TMIGD2: variants seen among roughly 807,000 people sequenced by gnomAD.
TMIGD2 encodes transmembrane and immunoglobulin domain-containing protein 2.
Under a neutral mutation model 22.6 loss-of-function variants are expected in TMIGD2, and 18 were observed. The ratio of observed to expected loss-of-function variants is 0.80; its 90% CI spans 0.55 to 1.18. The LOEUF (loss-of-function observed/expected upper bound fraction) is 1.18, where lower values mean the gene tolerates loss of function less well. Among genes scored for constraint, TMIGD2 ranks in the 50% most tolerant of loss-of-function variants. The probability of loss-of-function intolerance (pLI) is 0.00; values close to 1 mark genes in which losing one functional copy is unlikely to be tolerated. For synonymous variants in TMIGD2, 184 were observed against 154.1 expected (o/e 1.19, Z -1.44); for missense variants, 361 against 378.2 (o/e 0.95, Z 0.38).
chr19:4,294,899 T>A, intron 2 of TMIGD2, 83 bp from the exon 3 acceptor site: 2 of 1,318,956 alleles, frequency 1.5e-6, no homozygotes, highest in Non-Finnish European at 1.0e-6. Context: ...GACCTAAGTG[T>A]TCCTCCTCCT....
intron 2 of TMIGD2, among the ~76,000 whole-genome samples, chr19:4,297,159 C>A (rs932521688): frequency 1.4e-5 from 2 of 147,600 alleles, no homozygotes; most frequent in Non-Finnish European, 3.0e-5. Context: ...TCACTGCAAC[C>A]TCCCCCTCCC....
chr19:4,296,147 G>A (rs1375496982), intron 2 of TMIGD2, among the ~76,000 whole-genome samples: 2 of 152,150 alleles, frequency 1.3e-5, no homozygotes, highest in African/African-American at 2.4e-5. Context: ...TCGACCTCCT[G>A]GCCTCAAACA....
chr19:4,297,017 G>A (rs1237881193), intron 2 of TMIGD2, among the ~76,000 whole-genome samples: 1 of 151,906 alleles, frequency 6.6e-6, no homozygotes, highest in Admixed American at 6.6e-5. Flanking sequence ...GAGGCAGCTG[G>A]CGTTGCTGAC....
At chr19:4,300,434 G>A (rs1399558101) in intron 1 of TMIGD2, among the ~76,000 whole-genome samples, 7 of 151,392 alleles carry the variant, frequency 4.6e-5, no homozygotes, top group South Asian at 4.2e-4. Context: ...GCATGTACCC[G>A]TAGTCCCAGC....
At chr19:4,295,169 G>A (rs1971444693) in intron 2 of TMIGD2, among the ~76,000 whole-genome samples, 1 of 149,470 alleles carries the variant, frequency 6.7e-6, no homozygotes, top group Non-Finnish European at 1.5e-5. Flanking sequence ...GCTGAGGCAG[G>A]AGAATCGCTT....
intron 1 of TMIGD2, among the ~76,000 whole-genome samples, chr19:4,301,866 A>G (rs1971540794): frequency 6.6e-6 from 1 of 152,162 alleles, no homozygotes; most frequent in African/African-American, 2.4e-5. Context: ...AGCTGTGAGA[A>G]GTCTGACGTG....
intron 2 of TMIGD2, among the ~76,000 whole-genome samples, chr19:4,297,421 G>A (rs1049610904): frequency 6.6e-6 from 1 of 152,168 alleles, no homozygotes; most frequent in Non-Finnish European, 1.5e-5. Context: ...CCAGGCTGGA[G>A]TGCAGTGGTG....
At chr19:4,292,994 C>A (rs1295018400) in intron 4 of TMIGD2, 109 bp from the exon 5 acceptor site, 54 of 1,513,638 alleles carry the variant, frequency 3.6e-5, no homozygotes, top group Non-Finnish European at 4.5e-5. Context: ...GACGGAGTCT[C>A]ACTCTGTCGC....
chr19:4,292,668 C>T, exon 5 of TMIGD2: 16 of 1,606,830 alleles, frequency 1.0e-5, no homozygotes, highest in Non-Finnish European at 1.3e-5. Flanking sequence ...TAGGAGAGAC[C>T]CTGACCATAG....
At chr19:4,298,223 C>T (rs1210305359) in exon 2 of TMIGD2, 1 of 1,613,190 alleles carries the variant, frequency 6.2e-7, no homozygotes, top group South Asian at 1.1e-5. Context: ...GTCCACTTAA[C>T]ACGGAGCCGT....
Position 4,298,153 on chromosome 19 carries a change from AC to A in TMIGD2, c.238del (p.Val80SerfsTer23). 1 of 1,612,950 alleles carries A rather than the reference AC, an allele frequency of 6.2e-7. No individual in the cohort carries two copies. Among genetic ancestry groups the A allele is most frequent in the Non-Finnish European group, 8.5e-7 (1 of 1,179,922 alleles). On this transcript the variant is annotated frameshift_variant, in exon 2 of 5. Coordinates refer to ENST00000301272, the Ensembl canonical transcript of TMIGD2. LOFTEE classifies it high-confidence loss of function. ...GGAGAGCCGTCCCTGGGGCCCGCAG[AC>A]CCCCAGGCTGAGGCTGCCGTTGGTG...
rs146588003 is a variant in TMIGD2, at chr19:4,298,201, G to A, written c.191C>T (p.Ala64Val). ...GGTGATGTACGGTTGACACAGGATG[G>A]CCCCATCCTTTGTCCACTTAACACG... is the stretch of plus-strand genomic sequence containing the variant. Residue 64 changes from alanine to valine, a missense_variant, in exon 2 of 5, where the codon GCC (alanine) becomes GTC (valine). By Grantham distance (64) the Ala-to-Val change is moderately conservative. Transcript: ENST00000301272. The A allele has an allele frequency of 4.7e-4, 766 of 1,613,296 alleles. 3 individuals carry two copies. In the African/African-American group the frequency reaches 9.3e-3, roughly 20 times the overall value.
chr19:4,300,418 G>A (rs34276507), intron 1 of TMIGD2, among the ~76,000 whole-genome samples: 62,724 of 150,772 alleles, frequency 0.42, 14,150 homozygotes, highest in African/African-American at 0.6. Context: ...TTAGCTGGGT[G>A]TGGTGGCATG....
At chr19:4,297,989 G>A (rs746142552) in exon 2 of TMIGD2, 4 of 1,578,406 alleles carry the variant, frequency 2.5e-6, no homozygotes, top group Non-Finnish European at 3.5e-6. Context: ...CCCGTACCTG[G>A]GTCCACAAAG....
chr19:4,294,829 A>T lies in TMIGD2; in HGVS notation c.407-13T>A. The T allele has an allele frequency of 1.3e-6, 2 of 1,544,520 alleles. No homozygotes were observed. Among genetic ancestry groups the T allele is most frequent in the Non-Finnish European group, 1.7e-6 (2 of 1,147,330 alleles). On this transcript the variant is annotated splice_polypyrimidine_tract_variant and intron_variant, in intron 2 of 4. Transcript: ENST00000301272. Reference sequence around the variant, plus strand: ...TGTGTGGGGTCATCTGCAGAGAAGAAATCTATGTCACGGGGGTGCCAGGCT... The same window carrying T: ...TGTGTGGGGTCATCTGCAGAGAAGATATCTATGTCACGGGGGTGCCAGGCT...
intron 1 of TMIGD2, among the ~76,000 whole-genome samples, chr19:4,301,565 G>A (rs965719135): frequency 6.6e-6 from 1 of 152,208 alleles, no homozygotes; most frequent in African/African-American, 2.4e-5. Context: ...AGCTACTCGG[G>A]AGCCTGAGGC....
Position 4,294,697 on chromosome 19 carries a change from G to C in TMIGD2, c.449-17C>G, listed in dbSNP as rs574302564. 3.7e-5 allele frequency: 59 copies of C among 1,580,654 alleles called. 1 individual carries two copies. In the South Asian group the frequency reaches 6.7e-4, roughly 18 times the overall value. The stretch of plus-strand genomic sequence containing the variant: ...AGAGGAATCCTGGGTAGGGGGAGAA[G>C]AGATGGTCTAATCAGGAGGGGAAGG... On this transcript the variant is annotated splice_polypyrimidine_tract_variant and intron_variant, in intron 3 of 4. Transcript: ENST00000301272.
chr19:4,301,487 C>T (rs1013478840), intron 1 of TMIGD2, among the ~76,000 whole-genome samples: 2 of 152,050 alleles, frequency 1.3e-5, no homozygotes, highest in Non-Finnish European at 2.9e-5. Flanking sequence ...GCCGAGATGG[C>T]GAAACCCCGT....
exon 5 of TMIGD2, chr19:4,292,815 T>C (rs1279314578): frequency 6.2e-6 from 10 of 1,613,568 alleles, no homozygotes; most frequent in Non-Finnish European, 7.6e-6. Context: ...CCTTCCCCTC[T>C]CCAGAGCAGT....
Sources: gnomAD v4.1 joint callset for allele counts (sites outside exome capture counted in the v4.1 genomes callset) on GRCh38, gnomAD v4.1.1 for gene constraint, MANE v1.5 for transcripts, NCBI Gene and HGNC (gene_info 2026-07-23, HGNC 2026-07-21) for gene names.